Variants in CSMD3 observed in about 807,000 individuals in gnomAD.
CSMD3 encodes CUB and sushi domain-containing protein 3.
In CSMD3, 177 loss-of-function variants were observed where a neutral mutation model predicts 435.2. The observed-to-expected ratio is 0.41, with a 90% CI of 0.36 to 0.46. The LOEUF is 0.46. Among genes scored for constraint, CSMD3 ranks in the 20% least tolerant of loss-of-function variants. The pLI, the probability that CSMD3 is intolerant of heterozygous loss-of-function variation, is 0.34. For missense variants in CSMD3, 4,265 were observed against 4,504.6 expected (o/e 0.95, Z 1.52); for synonymous variants, 1,656 against 1,520.5 (o/e 1.09, Z -2.07).
intron 63 of CSMD3, among the ~76,000 whole-genome samples, chr8:112,250,705 G>A (rs895569286): frequency 4.6e-5 from 7 of 151,442 alleles, no homozygotes; most frequent in South Asian, 2.1e-4. Context: ...CAATATTTAC[G>A]AATAAAAAGT....
At chr8:113,250,324 G>A (rs1234851670) in intron 3 of CSMD3, among the ~76,000 whole-genome samples, 4 of 152,012 alleles carry the variant, frequency 2.6e-5, no homozygotes, top group African/African-American at 4.8e-5. Flanking sequence ...AAACAAAGAA[G>A]GCTATATTCT....
chr8:112,559,808 A>G (rs572995907), intron 24 of CSMD3, among the ~76,000 whole-genome samples: 4 of 151,972 alleles, frequency 2.6e-5, no homozygotes, highest in Non-Finnish European at 5.9e-5. Context: ...AATGTAGGGT[A>G]AATGATGTAA....
At chr8:113,015,097 A>C (rs181091669) in intron 6 of CSMD3, among the ~76,000 whole-genome samples, 46 of 152,174 alleles carry the variant, frequency 3.0e-4, no homozygotes, top group Admixed American at 2.7e-3. Flanking sequence ...TTATGTAAAA[A>C]CTTCCCAAAT....
intron 22 of CSMD3, among the ~76,000 whole-genome samples, chr8:112,633,250 A>G (rs538121982): frequency 6.6e-6 from 1 of 152,128 alleles, no homozygotes; most frequent in Admixed American, 6.6e-5. Context: ...CAAGCATACG[A>G]AGTTCTCTGA....
At chr8:112,586,973 TACAC>T in intron 23 of CSMD3, 89 bp downstream of exon 23, 1 of 815,902 alleles carries the variant, frequency 1.2e-6, no homozygotes, top group Non-Finnish European at 2.0e-6. Flanking sequence ...ACTATATACA[TACAC>T]ATATATATAT....
At position 112,634,481 on chromosome 8, in the gene CSMD3, T is replaced by A. The variant is rs1303376571; in HGVS notation, c.3715+2336A>T. Among the ~76,000 whole-genome samples the A allele has an allele frequency of 3.3e-5, 5 of 152,010 alleles. No homozygotes were observed. In the East Asian group the frequency reaches 9.6e-4, roughly 29 times the overall value. ...CAATTGAATTAATTGTAAATTTTAA[T>A]AAGCTTAAAAGCAAGCACAGCTAAT... On this transcript the variant is annotated intron_variant, in intron 22 of 70. Coordinates refer to ENST00000297405, the MANE Select transcript of CSMD3 (RefSeq NM_198123.2).
Position 113,436,871 on chromosome 8 carries a change from T to C in CSMD3, c.-17A>G, listed in dbSNP as rs1233719283. On this transcript the variant is annotated 5_prime_UTR_variant, in exon 1 of 71. Transcript: ENST00000297405. ...CCCTTTCATATTATTCGCGAGCTCCTAATTCCTGCTCCTCAGCCCGGCGCA... is the reference window on the plus strand; with the variant it reads ...CCCTTTCATATTATTCGCGAGCTCCCAATTCCTGCTCCTCAGCCCGGCGCA... 2 of 1,613,318 alleles carry C rather than the reference T, an allele frequency of 1.2e-6. No homozygotes were observed. The highest frequency in any genetic ancestry group is 2.7e-5 in the African/African-American group (2 of 74,900).
intron 6 of CSMD3, among the ~76,000 whole-genome samples, chr8:113,004,583 G>T (rs963832672): frequency 6.6e-6 from 1 of 151,966 alleles, no homozygotes; most frequent in Non-Finnish European, 1.5e-5. Flanking sequence ...GTAGGAAGAT[G>T]ATTCCATTTC....
intron 5 of CSMD3, among the ~76,000 whole-genome samples, chr8:113,026,291 C>T (rs2086873414): frequency 6.6e-6 from 1 of 152,216 alleles, no homozygotes; most frequent in Non-Finnish European, 1.5e-5. Context: ...GAGATAGGTG[C>T]TTCACTTACT....
At chr8:112,914,951 TG>T (rs1380568440) in intron 10 of CSMD3, among the ~76,000 whole-genome samples, 1 of 151,932 alleles carries the variant, frequency 6.6e-6, no homozygotes, top group Non-Finnish European at 1.5e-5. Flanking sequence ...ACTTTTTATG[TG>T]ATCAGAATTA....
intron 3 of CSMD3, among the ~76,000 whole-genome samples, chr8:113,219,551 G>C (rs953189844): frequency 6.6e-6 from 1 of 151,234 alleles, no homozygotes; most frequent in Non-Finnish European, 1.5e-5. Flanking sequence ...AAATTACTAG[G>C]ACAAATGCGA....
rs751952376 is a variant in CSMD3 at position 112,305,973 on chromosome 8, A to G, written c.8071+34T>C. On this transcript the variant is annotated intron_variant, in intron 51 of 70. Transcript: ENST00000297405. ...TTCAGGTATATAAAATACCAAGAGAAAAACAAGTGATGAAATTCCCTTGAC... is the reference window on the plus strand; with the variant it reads ...TTCAGGTATATAAAATACCAAGAGAGAAACAAGTGATGAAATTCCCTTGAC... The G allele has an allele frequency of 2.5e-6, 4 of 1,571,608 alleles. No individual in the cohort carries two copies. In the Admixed American group the frequency reaches 6.7e-5, roughly 26 times the overall value.
intron 17 of CSMD3, among the ~76,000 whole-genome samples, chr8:112,658,043 T>C (rs1306817453): frequency 1.3e-5 from 2 of 152,214 alleles, no homozygotes; most frequent in African/African-American, 4.8e-5. Context: ...AAAATGTCTT[T>C]CTTTTCTCTA....
chr8:113,338,618 T>C (rs1041029758), intron 1 of CSMD3, among the ~76,000 whole-genome samples: 1 of 151,978 alleles, frequency 6.6e-6, no homozygotes, highest in East Asian at 1.9e-4. Context: ...AATTATTCAG[T>C]AATAAAATAA....
intron 5 of CSMD3, among the ~76,000 whole-genome samples, chr8:113,035,846 A>AG (rs2087325238): frequency 1.3e-5 from 2 of 151,978 alleles, no homozygotes; most frequent in East Asian, 3.8e-4. Flanking sequence ...CTCAACTATT[A>AG]TTAGTACATA....
intron 2 of CSMD3, among the ~76,000 whole-genome samples, chr8:113,289,554 C>CAGAGAGAGAGAGAGAGAGAGAG (rs66595138): frequency 7.0e-6 from 1 of 143,188 alleles, no homozygotes; most frequent in African/African-American, 2.6e-5. Context: ...CAGAGAGAGA[C>CAGAGAGAGAGAGAGAGAGAGAG]AGAGAGAGAG....
At chr8:113,037,156 C>T (rs2087390394) in intron 5 of CSMD3, among the ~76,000 whole-genome samples, 1 of 151,980 alleles carries the variant, frequency 6.6e-6, no homozygotes, top group Non-Finnish European at 1.5e-5. Flanking sequence ...ATTTGTATTC[C>T]AGTTATTCTA....
At chr8:113,130,430 T>C (rs1013150879) in intron 4 of CSMD3, among the ~76,000 whole-genome samples, 2 of 152,106 alleles carry the variant, frequency 1.3e-5, no homozygotes, top group Non-Finnish European at 2.9e-5. Context: ...CTGTGGCACT[T>C]ACCTCCTCTG....
intron 27 of CSMD3, among the ~76,000 whole-genome samples, chr8:112,530,050 C>G (rs1327088417): frequency 6.6e-6 from 1 of 151,922 alleles, no homozygotes; most frequent in Admixed American, 6.6e-5. Context: ...CAGCAGCAGA[C>G]TAGATCAAGC....
Sources: gnomAD v4.1 joint callset for allele counts (sites outside exome capture counted in the v4.1 genomes callset) on GRCh38, gnomAD v4.1.1 for gene constraint, MANE v1.5 for transcripts, NCBI Gene and HGNC (gene_info 2026-07-23, HGNC 2026-07-21) for gene names.